Variants in ZFP64 observed in about 807,000 individuals in gnomAD.
ZFP64 encodes the protein zinc finger protein 64.
A neutral mutation model predicts 51.6 loss-of-function variants in ZFP64; 14 were observed. The observed-to-expected ratio is 0.27, with a 90% CI of 0.18 to 0.42. ZFP64 has a LOEUF of 0.42. ZFP64 is among the 10% of genes least tolerant of loss of function. The pLI, the probability that ZFP64 is intolerant of heterozygous loss-of-function variation, is 1.00. For synonymous variants in ZFP64, 375 were observed against 361.4 expected (o/e 1.04, Z -0.43); for missense variants, 754 against 906.8 (o/e 0.83, Z 2.16).
intron 2 of ZFP64, among the ~76,000 whole-genome samples, chr20:52,177,321 G>A (rs545215233): frequency 3.3e-5 from 5 of 152,148 alleles, no homozygotes; most frequent in South Asian, 2.1e-4. Context: ...TGGTAGGAAC[G>A]TGGCCCTGCG....
At chr20:52,111,137 CG>C in intron 5 of ZFP64, 1 of 726,674 alleles carries the variant, frequency 1.4e-6, no homozygotes. Context: ...GCCACATCGC[CG>C]GGTTCCGCGA....
At chr20:52,106,235 G>A (rs896453091) in intron 5 of ZFP64, among the ~76,000 whole-genome samples, 1 of 152,198 alleles carries the variant, frequency 6.6e-6, no homozygotes, top group Non-Finnish European at 1.5e-5. Flanking sequence ...CTGGGACCTC[G>A]ATGAGACCCG....
intron 5 of ZFP64, chr20:52,104,697 G>T (rs761272914): frequency 2.1e-6 from 1 of 475,836 alleles, no homozygotes; most frequent in African/African-American, 2.0e-5. Flanking sequence ...TCGCTCGAAC[G>T]TCCGCTCCTC....
chr20:52,091,400 T>C (rs190580616), intron 7 of ZFP64, among the ~76,000 whole-genome samples: 3 of 152,248 alleles, frequency 2.0e-5, no homozygotes, highest in East Asian at 3.9e-4. Context: ...GCTCTGAAGA[T>C]ACCTAAATCA....
chr20:52,119,796 A>G (rs1979088812), intron 5 of ZFP64, among the ~76,000 whole-genome samples: 1 of 152,026 alleles, frequency 6.6e-6, no homozygotes, highest in South Asian at 2.1e-4. Flanking sequence ...ACCAGGAGGC[A>G]AAGAGACGGC....
chr20:52,085,314 C>T lies in ZFP64; in HGVS notation c.1229-48G>A. ...CATTAGAACAGGCAGGCAAAACAGA[C>T]CCTCCCACCCCAACCTGCCTTAGCA... On this transcript the variant is annotated intron_variant, in intron 8 of 8. Transcript: ENST00000361387. The surrounding 1 kb of genome is among the most constrained non-coding windows in gnomAD (Gnocchi z 4.3). The T allele has an allele frequency of 6.5e-7, 1 of 1,528,314 alleles. No homozygotes were observed. Among genetic ancestry groups the T allele is most frequent in the Non-Finnish European group, 8.8e-7 (1 of 1,132,828 alleles). The allele number at this position is 1,528,314 out of a possible 1,614,324, so 94.7% of individuals were successfully genotyped here.
Position 52,144,204 on chromosome 20 carries a change from T to C in ZFP64, c.763+15919A>G, listed in dbSNP as rs1980400443. Among the ~76,000 whole-genome samples, 2 of 143,020 alleles carry C rather than the reference T, an allele frequency of 1.4e-5. 1 individual carries two copies. Among genetic ancestry groups the C allele is most frequent in the African/African-American group, 5.0e-5 (2 of 39,998 alleles). The allele number at this position is 143,020 out of a possible 152,430, so 93.8% of individuals were successfully genotyped here. The stretch of plus-strand genomic sequence containing the variant: ...AAATATATAGCTTTAAATGTTTTTA[T>C]TACTAAAGACTAAGTGAACTTAATA... On this transcript the variant is annotated intron_variant, in intron 5 of 8. Coordinates refer to the ZFP64 transcript ENST00000361387.
intron 2 of ZFP64, among the ~76,000 whole-genome samples, chr20:52,171,681 A>T (rs1055282264): frequency 6.7e-6 from 1 of 150,360 alleles, no homozygotes; most frequent in Non-Finnish European, 1.5e-5. Context: ...GTAGAGACAG[A>T]GTTTCACCAT....
At chr20:52,183,641 A>G (rs1349326850) in intron 2 of ZFP64, among the ~76,000 whole-genome samples, 1 of 152,160 alleles carries the variant, frequency 6.6e-6, no homozygotes, top group Admixed American at 6.5e-5. Flanking sequence ...GATGGGAATG[A>G]AGATAAACTC....
intron 2 of ZFP64, among the ~76,000 whole-genome samples, chr20:52,168,432 A>G (rs1982460257): frequency 1.3e-5 from 2 of 152,224 alleles, no homozygotes. Context: ...CCCAGACAGC[A>G]GCATTGGAGC....
chr20:52,182,189 G>T (rs1332323732), intron 2 of ZFP64, among the ~76,000 whole-genome samples: 1 of 152,192 alleles, frequency 6.6e-6, no homozygotes, highest in East Asian at 1.9e-4. Flanking sequence ...GAGAGTAAAT[G>T]ATTTGCTCAC....
At chr20:52,163,288 G>A (rs886359374) in intron 4 of ZFP64, among the ~76,000 whole-genome samples, 3 of 152,166 alleles carry the variant, frequency 2.0e-5, no homozygotes, top group Non-Finnish European at 2.9e-5. Flanking sequence ...TTGAACCTGG[G>A]AGGCAGAAGT....
intron 5 of ZFP64, among the ~76,000 whole-genome samples, chr20:52,129,860 C>T (rs150405214): frequency 1.1e-4 from 17 of 152,272 alleles, no homozygotes; most frequent in Non-Finnish European, 2.1e-4. Flanking sequence ...TGGTATGCCC[C>T]GGGGCAATTC....
At chr20:52,106,895 T>A (rs1369767406) in intron 5 of ZFP64, among the ~76,000 whole-genome samples, 2 of 152,076 alleles carry the variant, frequency 1.3e-5, no homozygotes, top group Non-Finnish European at 2.9e-5. Flanking sequence ...TTAGGAGTTC[T>A]AGACCAGCCT....
At chr20:52,129,925 G>T (rs1232534888) in intron 5 of ZFP64, among the ~76,000 whole-genome samples, 5 of 152,114 alleles carry the variant, frequency 3.3e-5, no homozygotes, top group African/African-American at 1.2e-4. Context: ...AATAAAACAT[G>T]TCAGACACAC....
At chr20:52,174,725 G>C (rs947593451) in intron 2 of ZFP64, among the ~76,000 whole-genome samples, 5 of 152,106 alleles carry the variant, frequency 3.3e-5, no homozygotes, top group Admixed American at 6.5e-5. Flanking sequence ...ACTTTTATGA[G>C]TAAAACCTGT....
At chr20:52,097,508 G>A (rs1227066727) in intron 6 of ZFP64, 3 of 1,416,106 alleles carry the variant, frequency 2.1e-6, no homozygotes, top group East Asian at 2.3e-5. Flanking sequence ...AGGCTGGAGT[G>A]CAGTGGCTCC....
chr20:52,186,532 C>T (rs1185489490), intron 2 of ZFP64, among the ~76,000 whole-genome samples: 7 of 151,266 alleles, frequency 4.6e-5, no homozygotes, highest in Non-Finnish European at 5.9e-5. Context: ...TTTATTGCAA[C>T]GTATTTTCTG....
chr20:52,172,222 T>G (rs958168460), intron 2 of ZFP64, among the ~76,000 whole-genome samples: 9 of 144,426 alleles, frequency 6.2e-5, no homozygotes, highest in East Asian at 5.9e-4. Context: ...TGTGTGTGTT[T>G]GTGTGTGTGT....
Sources: gnomAD v4.1 joint callset for allele counts (sites outside exome capture counted in the v4.1 genomes callset) on GRCh38, gnomAD v4.1.1 for gene constraint, Gnocchi (gnomAD v3.1) non-coding constraint, MANE v1.5 for transcripts, NCBI Gene and HGNC (gene_info 2026-07-23, HGNC 2026-07-21) for gene names.